Variants in OXR1 observed in about 807,000 individuals in gnomAD.
The protein encoded by OXR1 is oxidation resistance 1, also known as oxidation resistance protein 1.
A neutral mutation model predicts 104.6 loss-of-function variants in OXR1; 41 were observed. The ratio of observed to expected loss-of-function variants is 0.39; its 90% CI spans 0.31 to 0.51. The LOEUF (loss-of-function observed/expected upper bound fraction) is 0.51, where lower values mean the gene tolerates loss of function less well. Among genes scored for constraint, OXR1 ranks in the 20% least tolerant of loss-of-function variants. The pLI, the probability that OXR1 is intolerant of heterozygous loss-of-function variation, is 0.77. For synonymous variants in OXR1, 348 were observed against 348.4 expected (o/e 1.00, Z 0.01); for missense variants, 955 against 1,031.9 (o/e 0.93, Z 1.02).
chr8:106,444,953 GTATT>G (rs1819952081), intron 2 of OXR1, among the ~76,000 whole-genome samples: 1 of 151,980 alleles, frequency 6.6e-6, no homozygotes, highest in African/African-American at 2.4e-5. Flanking sequence ...ATAAATCACA[GTATT>G]TAAGAACAAA....
At chr8:106,683,168 A>G (rs1828350083) in intron 4 of OXR1, 31 bp from the exon 5 acceptor site, 3 of 1,103,020 alleles carry the variant, frequency 2.7e-6, no homozygotes, top group Middle Eastern at 2.1e-4. Flanking sequence ...TGTTTTAAAC[A>G]TTGAAATAAT....
intron 3 of OXR1, among the ~76,000 whole-genome samples, chr8:106,548,194 T>C (rs997988932): frequency 5.9e-5 from 9 of 152,240 alleles, no homozygotes; most frequent in Admixed American, 4.6e-4. Flanking sequence ...GCTATGAATC[T>C]TTCATTTTTA....
chr8:106,323,744 C>A (rs1490971289), intron 1 of OXR1, among the ~76,000 whole-genome samples: 1 of 152,010 alleles, frequency 6.6e-6, no homozygotes, highest in Non-Finnish European at 1.5e-5. Context: ...ATGTGGCCAA[C>A]AAGCATATGA....
intron 4 of OXR1, among the ~76,000 whole-genome samples, chr8:106,680,468 G>C (rs953735549): frequency 1.6e-4 from 25 of 151,960 alleles, no homozygotes; most frequent in Admixed American, 7.2e-4. Context: ...AATTATCTTT[G>C]ATTGCCATTT....
chr8:106,459,793 C>T (rs1223856888), intron 2 of OXR1, among the ~76,000 whole-genome samples: 1 of 152,166 alleles, frequency 6.6e-6, no homozygotes, highest in Non-Finnish European at 1.5e-5. Flanking sequence ...GCATCAGCTG[C>T]CACACTGTGT....
rs576500303 is a variant in OXR1 at position 106,331,494 on chromosome 8, G to C, written c.-138-27982G>C. Reference sequence around the variant, plus strand: ...AATAAATTATAAAATATTTTTTAAAGATTTATATTAGCTTTATAATAAAAT... The same window carrying C: ...AATAAATTATAAAATATTTTTTAAACATTTATATTAGCTTTATAATAAAAT... On this transcript the variant is annotated intron_variant, in intron 1 of 16. Transcript: ENST00000517566. Among the ~76,000 whole-genome samples, 64 of 152,010 alleles carry C rather than the reference G, an allele frequency of 4.2e-4. 1 individual carries two copies. Among genetic ancestry groups the C allele is most frequent in the African/African-American group, 1.5e-3 (61 of 41,504 alleles).
chr8:106,275,506 C>G (rs760684167), intron 1 of OXR1, among the ~76,000 whole-genome samples: 5 of 152,208 alleles, frequency 3.3e-5, no homozygotes, highest in Non-Finnish European at 7.3e-5. Flanking sequence ...ACTGAACATT[C>G]TGTGTCACTA....
At chr8:106,345,596 G>C (rs1439753416) in intron 1 of OXR1, among the ~76,000 whole-genome samples, 1 of 152,180 alleles carries the variant, frequency 6.6e-6, no homozygotes, top group African/African-American at 2.4e-5. Context: ...TTCTAAGGAA[G>C]TAGAAAAGCC....
intron 1 of OXR1, among the ~76,000 whole-genome samples, chr8:106,300,138 T>C (rs1156285722): frequency 1.3e-5 from 2 of 152,116 alleles, no homozygotes; most frequent in African/African-American, 4.8e-5. Context: ...ATAAGAGAAA[T>C]TGGAGATATT....
intron 2 of OXR1, among the ~76,000 whole-genome samples, chr8:106,397,003 G>T (rs145460483): frequency 6.6e-6 from 1 of 152,030 alleles, no homozygotes; most frequent in Non-Finnish European, 1.5e-5. Flanking sequence ...CCAGCAATTT[G>T]CAGACCAATA....
At chr8:106,572,894 G>A (rs951392589) in intron 3 of OXR1, among the ~76,000 whole-genome samples, 2 of 152,100 alleles carry the variant, frequency 1.3e-5, no homozygotes, top group Non-Finnish European at 2.9e-5. Context: ...ATGGAATTAT[G>A]AAGGCTGAGA....
At chr8:106,367,971 C>G (rs1351922941) in intron 2 of OXR1, among the ~76,000 whole-genome samples, 1 of 151,966 alleles carries the variant, frequency 6.6e-6, no homozygotes, top group Non-Finnish European at 1.5e-5. Context: ...GTCCCAGGAA[C>G]TGAGCTTAGA....
At chr8:106,682,330 G>A (rs1401443930) in intron 4 of OXR1, among the ~76,000 whole-genome samples, 4 of 145,164 alleles carry the variant, frequency 2.8e-5, no homozygotes, top group Admixed American at 2.1e-4. Flanking sequence ...GTGCAGTGGC[G>A]CAATCTCGGC....
At chr8:106,324,340 C>G (rs898984409) in intron 1 of OXR1, among the ~76,000 whole-genome samples, 1 of 152,026 alleles carries the variant, frequency 6.6e-6, no homozygotes, top group Non-Finnish European at 1.5e-5. Flanking sequence ...AAGGAAACAA[C>G]AGACCCTGGG....
At position 106,752,236 on chromosome 8, in the gene OXR1, G is replaced by T. The variant is rs1335237731; in HGVS notation, c.*1295G>T. ...AATTAATGTTTAAAGGTGTAGTTTT[G>T]TTCTTACAGAAAGTGTTGATTGCCA... On this transcript the variant is annotated 3_prime_UTR_variant, in exon 17 of 17. Transcript: ENST00000517566. The T allele has an allele frequency of 1.3e-5, 2 of 152,340 alleles. No individual in the cohort carries two copies. Among genetic ancestry groups the T allele is most frequent in the Non-Finnish European group, 1.5e-5 (1 of 67,892 alleles). The allele number at this position is 152,340 out of a possible 1,614,324, so 9.4% of individuals were successfully genotyped here.
chr8:106,707,386 G>T, intron 9 of OXR1: 2 of 623,708 alleles, frequency 3.2e-6, no homozygotes, highest in South Asian at 3.8e-5. Flanking sequence ...AAACATTCTT[G>T]GCTCACTACA....
At chr8:106,681,650 G>C (rs1828164023) in intron 4 of OXR1, among the ~76,000 whole-genome samples, 1 of 151,990 alleles carries the variant, frequency 6.6e-6, no homozygotes. Context: ...TCAGCTTCCT[G>C]AGTAGCTGGG....
intron 2 of OXR1, among the ~76,000 whole-genome samples, chr8:106,438,412 C>T (rs1819665102): frequency 6.6e-6 from 1 of 152,214 alleles, no homozygotes; most frequent in East Asian, 1.9e-4. Context: ...ATATCTCAAT[C>T]ATTTCTATAC....
intron 3 of OXR1, among the ~76,000 whole-genome samples, chr8:106,665,424 C>T (rs918488298): frequency 6.6e-6 from 1 of 152,018 alleles, no homozygotes; most frequent in African/African-American, 2.4e-5. Context: ...GATAACAAAA[C>T]GATGTTATTC....
Sources: allele counts gnomAD v4.1 joint callset (sites outside exome capture counted in the v4.1 genomes callset), GRCh38; gene constraint gnomAD v4.1.1; transcripts MANE v1.5; gene names NCBI Gene and HGNC (gene_info 2026-07-23, HGNC 2026-07-21).